FARP1: variants seen among roughly 807,000 people sequenced by gnomAD.
FARP1 encodes the protein FERM, ARHGEF and pleckstrin domain-containing protein 1.
FARP1 carries 52 observed loss-of-function variants against 128.8 expected under a neutral mutation model. The ratio of observed to expected loss-of-function variants is 0.40; its 90% confidence interval spans 0.32 to 0.51. The LOEUF (loss-of-function observed/expected upper bound fraction) is 0.51, where lower values mean the gene tolerates loss of function less well. FARP1 is among the 20% of genes least tolerant of loss of function. FARP1 has a pLI of 0.45. For missense variants in FARP1, 1,333 were observed against 1,367.9 expected (o/e 0.97, Z 0.40); for synonymous variants, 580 against 551.8 (o/e 1.05, Z -0.72).
At chr13:98,151,988 A>G (rs748806628) in intron 1 of FARP1, among the ~76,000 whole-genome samples, 6 of 152,048 alleles carry the variant, frequency 3.9e-5, no homozygotes, top group Admixed American at 1.3e-4. Context: ...ACATTGGACA[A>G]GTTATCAATG....
intron 1 of FARP1, among the ~76,000 whole-genome samples, chr13:98,149,727 T>C (rs996031404): frequency 4.6e-5 from 6 of 130,576 alleles, no homozygotes; most frequent in African/African-American, 1.6e-4. Flanking sequence ...GTTAGATATT[T>C]ACTTTTTTTT....
chr13:98,325,317 G>A (rs531697044), intron 2 of FARP1, among the ~76,000 whole-genome samples: 2 of 152,210 alleles, frequency 1.3e-5, no homozygotes, highest in East Asian at 3.9e-4. Context: ...AAACTGTTGT[G>A]TTTTCCTTTT....
chr13:98,431,990 C>G (rs1024229567), intron 18 of FARP1: 2 of 152,180 alleles, frequency 1.3e-5, no homozygotes, highest in African/African-American at 4.8e-5. Flanking sequence ...TCCTGTTGCT[C>G]ATTGCTACCG....
rs1240788393 is a variant in FARP1, at chr13:98,153,352, A to T, written c.-24+9860A>T. On this transcript the variant is annotated intron_variant, in intron 1 of 26. Transcript: ENST00000319562. The stretch of plus-strand genomic sequence containing the variant: ...TATAATATATAAAATAATATATATA[A>T]AAATATATAAAATATGTTATATATA... Among the ~76,000 whole-genome samples, 609 of 36,728 alleles carry T rather than the reference A, an allele frequency of 0.017. 9 individuals carry two copies. In the East Asian group the frequency reaches 0.44, roughly 26 times the overall value. The allele number at this position is 36,728 out of a possible 152,430, so 24.1% of individuals were successfully genotyped here. A position where few individuals can be genotyped will look rare whatever the true frequency, so the allele number is the denominator to read the frequency against.
At chr13:98,187,858 G>T (rs1202541693) in intron 1 of FARP1, among the ~76,000 whole-genome samples, 2 of 152,142 alleles carry the variant, frequency 1.3e-5, no homozygotes, top group Non-Finnish European at 1.5e-5. Context: ...CCAGAGTCTT[G>T]TTCTATTTTA....
At chr13:98,295,046 TACACACACACACAC>T (rs746373395) in intron 2 of FARP1, among the ~76,000 whole-genome samples, 1,124 of 108,350 alleles carry the variant, frequency 0.01, 13 homozygotes, top group African/African-American at 0.014. Flanking sequence ...ATATATATAT[TACACACACACACAC>T]ACACACACAC....
At chr13:98,207,377 A>T (rs1880334264) in intron 1 of FARP1, among the ~76,000 whole-genome samples, 1 of 152,166 alleles carries the variant, frequency 6.6e-6, no homozygotes, top group South Asian at 2.1e-4. Context: ...ATATATATTT[A>T]TCTGGGGATT....
intron 1 of FARP1, among the ~76,000 whole-genome samples, chr13:98,168,559 TG>T (rs969798777): frequency 9.8e-5 from 15 of 152,310 alleles, no homozygotes; most frequent in African/African-American, 2.4e-4. Context: ...TGTAATCTAC[TG>T]GGGGGGTTCC....
At chr13:98,365,467 T>G in intron 4 of FARP1, 30 bp downstream of exon 4, 1 of 1,511,284 alleles carries the variant, frequency 6.6e-7, no homozygotes, top group Non-Finnish European at 9.2e-7. Flanking sequence ...TTAATAGTGA[T>G]GTGAAATCTG....
intron 6 of FARP1, among the ~76,000 whole-genome samples, chr13:98,380,156 G>A (rs1889836058): frequency 6.6e-6 from 1 of 152,042 alleles, no homozygotes; most frequent in South Asian, 2.1e-4. Context: ...ACACTAAAGA[G>A]TAGATTTTGG....
At chr13:98,248,361 T>C (rs1350237146) in intron 2 of FARP1, among the ~76,000 whole-genome samples, 2 of 152,182 alleles carry the variant, frequency 1.3e-5, no homozygotes, top group African/African-American at 4.8e-5. Context: ...CTAGCAGTGA[T>C]GTGAGCTGTT....
chr13:98,173,465 T>G (rs1877787731), intron 1 of FARP1, among the ~76,000 whole-genome samples: 1 of 152,186 alleles, frequency 6.6e-6, no homozygotes, highest in Admixed American at 6.5e-5. Flanking sequence ...TAGGGGTTTG[T>G]GACCTTGGAA....
At chr13:98,180,264 G>A (rs937226117) in intron 1 of FARP1, among the ~76,000 whole-genome samples, 2 of 152,042 alleles carry the variant, frequency 1.3e-5, no homozygotes, top group African/African-American at 2.4e-5. Context: ...GTGTCACATG[G>A]CAAGAGTGGG....
intron 3 of FARP1, among the ~76,000 whole-genome samples, chr13:98,352,408 C>G (rs1470909497): frequency 6.6e-6 from 1 of 152,098 alleles, no homozygotes. Context: ...TGAGACGGGC[C>G]ATCACTCAAG....
intron 25 of FARP1, 183 bp from the exon 26 acceptor site, chr13:98,446,483 G>A (rs1892842918): frequency 1.6e-6 from 1 of 639,692 alleles, no homozygotes; most frequent in Non-Finnish European, 2.7e-6. Context: ...CTCAGTCCTG[G>A]CGGGACTTGC....
chr13:98,314,233 C>G (rs1886618040), intron 2 of FARP1, among the ~76,000 whole-genome samples: 1 of 151,056 alleles, frequency 6.6e-6, no homozygotes, highest in Admixed American at 6.6e-5. Flanking sequence ...TACTATATAC[C>G]TGGCATTCTG....
intron 2 of FARP1, among the ~76,000 whole-genome samples, chr13:98,298,000 A>T (rs1885772613): frequency 1.3e-5 from 2 of 152,110 alleles, no homozygotes; most frequent in Admixed American, 6.5e-5. Flanking sequence ...GACATTTCTG[A>T]TGAGAAATGG....
In FARP1 at chr13:98,440,726, T is replaced by G; in HGVS notation, c.2686T>G (p.Ser896Ala). The change falls in exon 24 of 27, where the codon TCG (serine) becomes GCG (alanine). Residue 896 changes from serine to alanine, a missense_variant. Physicochemically the swap from Ser to Ala is moderately conservative, Grantham distance 99. This residue lies in a region of FARP1 where 1,009 missense variants were observed against 969.8 expected (regional missense o/e 1.04). Coordinates refer to ENST00000319562, the MANE Select transcript of FARP1 (RefSeq NM_005766.4). ...GGAGTCAGAGGATGACCTGAGCGCC[T>G]CGCGCACATCGCTGGAGCGCCAGGC... is the stretch of plus-strand genomic sequence containing the variant. Reference protein sequence around the residue: ...DQESEDDLSASRTSLERQAPH... With the variant: ...DQESEDDLSAARTSLERQAPH... 1 of 1,613,496 alleles carries G rather than the reference T, an allele frequency of 6.2e-7. No individual in the cohort carries two copies. The highest frequency in any genetic ancestry group is 8.5e-7 in the Non-Finnish European group (1 of 1,179,988).
chr13:98,299,370 A>C (rs751733961), intron 2 of FARP1, among the ~76,000 whole-genome samples: 64 of 152,198 alleles, frequency 4.2e-4, no homozygotes, highest in Non-Finnish European at 7.8e-4. Context: ...GAGACATAAA[A>C]GCATACTCTG....
Sources: gnomAD v4.1 joint callset for allele counts (sites outside exome capture counted in the v4.1 genomes callset) on GRCh38, gnomAD v4.1.1 for gene constraint, gnomAD v4.1.1 regional missense constraint, MANE v1.5 for transcripts, NCBI Gene and HGNC (gene_info 2026-07-23, HGNC 2026-07-21) for gene names.